The following NAALADL2 variants were observed in gnomAD, a reference collection of about 807,000 sequenced individuals.
NAALADL2 encodes N-acetylated alpha-linked acidic dipeptidase like 2.
NAALADL2 carries 76 observed loss-of-function variants against 87.2 expected under a neutral mutation model. That is an observed-to-expected ratio of 0.87 (90% CI 0.72 to 1.05). NAALADL2 has a LOEUF of 1.05. Among genes scored for constraint, NAALADL2 ranks in the 50% least tolerant of loss-of-function variants. NAALADL2 has a pLI of 0.00. For synonymous variants in NAALADL2, 354 were observed against 331.0 expected (o/e 1.07, Z -0.75); for missense variants, 1,089 against 945.8 (o/e 1.15, Z -1.99).
chr3:174,558,084 T>A (rs1239545188), intron 2 of NAALADL2, among the ~76,000 whole-genome samples: 5 of 152,280 alleles, frequency 3.3e-5, no homozygotes, highest in South Asian at 2.1e-4. Flanking sequence ...CTATATTGTT[T>A]ATGCAATCAG....
chr3:174,773,986 TGCCTTATGAA>T (rs1467498793), intron 3 of NAALADL2, among the ~76,000 whole-genome samples: 2 of 152,298 alleles, frequency 1.3e-5, no homozygotes, highest in African/African-American at 4.8e-5. Context: ...TTTTCATGAT[TGCCTTATGAA>T]GCAAGTGTCT....
At chr3:175,640,188 G>A (rs529300865) in intron 11 of NAALADL2, among the ~76,000 whole-genome samples, 28 of 152,136 alleles carry the variant, frequency 1.8e-4, no homozygotes, top group Non-Finnish European at 3.4e-4. Context: ...TTAAATAGTA[G>A]GATTCATTCT....
chr3:175,114,441 T>C (rs1271674088), intron 2 of NAALADL2, among the ~76,000 whole-genome samples: 2 of 151,704 alleles, frequency 1.3e-5, no homozygotes, highest in African/African-American at 2.4e-5. Flanking sequence ...CTGTGGGGAA[T>C]GTGTATTATT....
intron 9 of NAALADL2, among the ~76,000 whole-genome samples, chr3:175,534,946 A>G (rs1734604975): frequency 6.6e-6 from 1 of 151,890 alleles, no homozygotes; most frequent in Non-Finnish European, 1.5e-5. Flanking sequence ...TCGTCCATAC[A>G]ACGAGACCTA....
intron 1 of NAALADL2, among the ~76,000 whole-genome samples, chr3:174,444,128 G>C (rs1015039791): frequency 1.3e-5 from 2 of 152,092 alleles, no homozygotes; most frequent in African/African-American, 4.8e-5. Flanking sequence ...AGCCAATAGA[G>C]AACAAAAAAT....
intron 3 of NAALADL2, among the ~76,000 whole-genome samples, chr3:174,787,705 G>A (rs1200353207): frequency 6.9e-6 from 1 of 145,702 alleles, no homozygotes; most frequent in Non-Finnish European, 1.5e-5. Context: ...AAGAGAAGTG[G>A]ATTAAGTATG....
intron 12 of NAALADL2, among the ~76,000 whole-genome samples, chr3:175,749,219 GA>G (rs1256107303): frequency 8.7e-6 from 1 of 114,390 alleles, no homozygotes; most frequent in Non-Finnish European, 1.8e-5. Context: ...AGGGGAGGGA[GA>G]GGGGGTAGGG....
At chr3:174,836,459 T>G (rs1447234026) in intron 3 of NAALADL2, among the ~76,000 whole-genome samples, 2 of 152,076 alleles carry the variant, frequency 1.3e-5, no homozygotes, top group East Asian at 3.9e-4. Context: ...TAAAAATGCT[T>G]AAGAGGCCGA....
chr3:175,023,362 G>A (rs963861709), intron 1 of NAALADL2, among the ~76,000 whole-genome samples: 2 of 152,030 alleles, frequency 1.3e-5, no homozygotes, highest in South Asian at 2.1e-4. Flanking sequence ...CACATAAATA[G>A]CATTTATTCA....
intron 5 of NAALADL2, among the ~76,000 whole-genome samples, chr3:175,367,769 G>GT (rs569538909): frequency 1.2e-4 from 19 of 152,300 alleles, no homozygotes; most frequent in African/African-American, 3.8e-4. Context: ...AGACAATGGG[G>GT]TTTTCTAGAT....
chr3:175,208,047 A>G (rs1413336130), intron 2 of NAALADL2, among the ~76,000 whole-genome samples: 1 of 152,146 alleles, frequency 6.6e-6, no homozygotes, highest in Non-Finnish European at 1.5e-5. Flanking sequence ...AAGCAAAAAT[A>G]GCCTACATAT....
intron 9 of NAALADL2, among the ~76,000 whole-genome samples, chr3:175,531,788 C>A (rs952401368): frequency 1.3e-5 from 2 of 152,154 alleles, no homozygotes; most frequent in Non-Finnish European, 1.5e-5. Context: ...ATTGGAGTCA[C>A]CACTTGGTTA....
chr3:174,775,075 G>A (rs1054598065), intron 3 of NAALADL2, among the ~76,000 whole-genome samples: 4 of 151,914 alleles, frequency 2.6e-5, no homozygotes, highest in Non-Finnish European at 5.9e-5. Flanking sequence ...TAGAAAAATA[G>A]GAAAGTATAC....
intron 3 of NAALADL2, among the ~76,000 whole-genome samples, chr3:174,741,239 A>T (rs1665254163): frequency 6.6e-6 from 1 of 151,686 alleles, no homozygotes; most frequent in African/African-American, 2.4e-5. Context: ...CCTTAAGTTC[A>T]TCCCTCCGTC....
intron 11 of NAALADL2, among the ~76,000 whole-genome samples, chr3:175,727,274 C>G (rs573589116): frequency 2.0e-5 from 3 of 152,080 alleles, no homozygotes; most frequent in Admixed American, 1.3e-4. Flanking sequence ...TTTCTCAGCA[C>G]GCTGAGAGAA....
intron 2 of NAALADL2, among the ~76,000 whole-genome samples, chr3:175,131,154 C>CTTTTTTTT (rs757205472): frequency 3.8e-5 from 5 of 130,812 alleles, no homozygotes; most frequent in Non-Finnish European, 4.9e-5. Flanking sequence ...GTATTTTATT[C>CTTTTTTTT]TTTTTTTTTT....
intron 1 of NAALADL2, among the ~76,000 whole-genome samples, chr3:174,530,525 C>G (rs1311199389): frequency 6.6e-6 from 1 of 152,164 alleles, no homozygotes; most frequent in African/African-American, 2.4e-5. Flanking sequence ...TTTCATGCTG[C>G]TGATAAAGAC....
At chr3:174,910,268 AT>A (rs1733529101) in intron 1 of NAALADL2, among the ~76,000 whole-genome samples, 1 of 152,098 alleles carries the variant, frequency 6.6e-6, no homozygotes, top group East Asian at 1.9e-4. Context: ...TTTTTCAAAA[AT>A]TACTAATATT....
intron 1 of NAALADL2, among the ~76,000 whole-genome samples, chr3:174,541,862 C>T (rs1722266230): frequency 6.6e-6 from 1 of 152,160 alleles, no homozygotes; most frequent in Non-Finnish European, 1.5e-5. Flanking sequence ...CTTGGCTTCA[C>T]TCAGGAAACA....
Sources: gnomAD v4.1 joint callset for allele counts (sites outside exome capture counted in the v4.1 genomes callset) on GRCh38, gnomAD v4.1.1 for gene constraint, MANE v1.5 for transcripts, NCBI Gene and HGNC (gene_info 2026-07-23, HGNC 2026-07-21) for gene names.